The following FKBP5 variants were observed in gnomAD, a reference collection of about 807,000 sequenced individuals.
FKBP5 encodes the protein FKBP prolyl isomerase 5, also known as peptidyl-prolyl cis-trans isomerase FKBP5.
FKBP5 carries 23 observed loss-of-function variants against 50.5 expected under a neutral mutation model. The observed-to-expected ratio is 0.46, with a 90% CI of 0.33 to 0.65. The LOEUF is 0.65. Among genes scored for constraint, FKBP5 ranks in the 30% least tolerant of loss-of-function variants. The pLI is 0.02. For synonymous variants in FKBP5, 176 were observed against 190.6 expected (o/e 0.92, Z 0.63); for missense variants, 411 against 553.1 (o/e 0.74, Z 2.58).
chr6:35,643,921 G>C (rs552978926), intron 1 of FKBP5, among the ~76,000 whole-genome samples: 1 of 152,116 alleles, frequency 6.6e-6, no homozygotes, highest in African/African-American at 2.4e-5. Flanking sequence ...CTTTGAGAAT[G>C]GTAAGACAAA....
chr6:35,701,405 G>A (rs1273262541), intron 2 of FKBP5, among the ~76,000 whole-genome samples: 3 of 150,942 alleles, frequency 2.0e-5, no homozygotes, highest in African/African-American at 7.3e-5. Flanking sequence ...CACTACACCC[G>A]GCTAATTTTT....
intron 2 of FKBP5, among the ~76,000 whole-genome samples, chr6:35,714,704 C>A (rs1384732047): frequency 2.7e-5 from 4 of 150,672 alleles, no homozygotes; most frequent in Non-Finnish European, 5.9e-5. Flanking sequence ...GTAATCCCAG[C>A]TACTTGGGAG....
At chr6:35,713,344 T>G (rs1766449399) in intron 2 of FKBP5, among the ~76,000 whole-genome samples, 1 of 152,066 alleles carries the variant, frequency 6.6e-6, no homozygotes, top group African/African-American at 2.4e-5. Context: ...TTTTGCCTCA[T>G]TATGAAGACC....
chr6:35,582,553 A>C, intron 8 of FKBP5: 1 of 611,442 alleles, frequency 1.6e-6, no homozygotes, highest in Non-Finnish European at 2.0e-6. Context: ...GAACCAGAGG[A>C]GAGGCCCTCC....
intron 5 of FKBP5, among the ~76,000 whole-genome samples, chr6:35,605,079 G>A (rs1464666885): frequency 5.9e-5 from 9 of 151,974 alleles, no homozygotes; most frequent in African/African-American, 9.7e-5. Flanking sequence ...CACCGTGCCC[G>A]GCCCGTGTTT....
chr6:35,645,354 C>T (rs1352146188), intron 1 of FKBP5, among the ~76,000 whole-genome samples: 1 of 152,152 alleles, frequency 6.6e-6, no homozygotes, highest in Non-Finnish European at 1.5e-5. Context: ...ATTGATTGAG[C>T]TCAGGAGTTT....
chr6:35,707,387 T>C (rs1766338165), intron 2 of FKBP5, among the ~76,000 whole-genome samples: 1 of 151,824 alleles, frequency 6.6e-6, no homozygotes, highest in Non-Finnish European at 1.5e-5. Flanking sequence ...CGGCTAATTT[T>C]TTTTTTTTGT....
chr6:35,630,158 G>A (rs561668228), intron 3 of FKBP5, among the ~76,000 whole-genome samples: 68 of 151,476 alleles, frequency 4.5e-4, no homozygotes, highest in African/African-American at 1.6e-3. Flanking sequence ...GAAAGAGGGA[G>A]GAGGAGGAAG....
chr6:35,723,452 T>A (rs1248538190), intron 1 of FKBP5, among the ~76,000 whole-genome samples: 1 of 151,714 alleles, frequency 6.6e-6, no homozygotes, highest in Non-Finnish European at 1.5e-5. Context: ...TAGGAACAAA[T>A]GGAAGATGCT....
At chr6:35,586,565 G>A in intron 8 of FKBP5, 1 of 984,824 alleles carries the variant, frequency 1.0e-6, no homozygotes, top group Non-Finnish European at 1.2e-6. Context: ...CTAGAAGTTT[G>A]AGACCAGCCT....
At chr6:35,589,721 T>TA (rs1159005575) in intron 7 of FKBP5, among the ~76,000 whole-genome samples, 3 of 152,112 alleles carry the variant, frequency 2.0e-5, no homozygotes, top group Non-Finnish European at 2.9e-5. Flanking sequence ...TCTTTAACAA[T>TA]AAAAAAACAC....
intron 1 of FKBP5, among the ~76,000 whole-genome samples, chr6:35,723,425 G>A (rs1056141868): frequency 2.0e-5 from 3 of 152,208 alleles, no homozygotes; most frequent in African/African-American, 7.2e-5. Context: ...GGCAAGGTGA[G>A]GCATAGGGCG....
intron 2 of FKBP5, among the ~76,000 whole-genome samples, chr6:35,705,550 C>T (rs1046180936): frequency 2.6e-5 from 4 of 151,620 alleles, no homozygotes; most frequent in African/African-American, 9.7e-5. Flanking sequence ...CAGGCATGAG[C>T]CACTGTGCCC....
At chr6:35,606,284 G>T (rs539182487) in intron 5 of FKBP5, among the ~76,000 whole-genome samples, 1 of 151,958 alleles carries the variant, frequency 6.6e-6, no homozygotes, top group Non-Finnish European at 1.5e-5. Context: ...AAAAAATGCC[G>T]AACATCACTA....
At chr6:35,713,613 C>T (rs1766455623) in intron 2 of FKBP5, among the ~76,000 whole-genome samples, 1 of 152,066 alleles carries the variant, frequency 6.6e-6, no homozygotes, top group Non-Finnish European at 1.5e-5. Context: ...AAGCTGCTAG[C>T]TGGCGGGTGG....
chr6:35,583,917 T>C, intron 8 of FKBP5: 1 of 985,412 alleles, frequency 1.0e-6, no homozygotes, highest in Middle Eastern at 5.2e-4. Flanking sequence ...CAAAGCCCGA[T>C]TTATCTGAAG....
chr6:35,591,121 T>C lies in FKBP5; in HGVS notation c.756+9A>G, dbSNP rs771147268. On this transcript the variant is annotated intron_variant, in intron 7 of 10. Coordinates refer to ENST00000357266, the MANE Select transcript of FKBP5 (RefSeq NM_004117.4). ...TACCATAATTTTAAGGAAGTTGGTA[T>C]TTTCTCACCTTTTCGAAGCTCTTAA... 6.3e-7 allele frequency: 1 copy of C among 1,586,478 alleles called. No homozygotes were observed. The highest frequency in any genetic ancestry group is 2.2e-5 in the East Asian group (1 of 44,614).
chr6:35,619,607 G>A (rs991723571), intron 4 of FKBP5, among the ~76,000 whole-genome samples: 2 of 152,208 alleles, frequency 1.3e-5, no homozygotes, highest in African/African-American at 4.8e-5. Context: ...TCTCATGGAT[G>A]TGACCTACGA....
intron 3 of FKBP5, among the ~76,000 whole-genome samples, chr6:35,627,660 G>A (rs569558620): frequency 1.6e-4 from 25 of 152,230 alleles, no homozygotes; most frequent in Non-Finnish European, 2.5e-4. Context: ...AGTAATTTAT[G>A]TTTAATTGTT....
Sources: allele counts gnomAD v4.1 joint callset (sites outside exome capture counted in the v4.1 genomes callset), GRCh38; gene constraint gnomAD v4.1.1; transcripts MANE v1.5; gene names NCBI Gene and HGNC (gene_info 2026-07-23, HGNC 2026-07-21).